The following KCNH5 variants were observed in gnomAD, a reference collection of about 807,000 sequenced individuals.
The protein encoded by KCNH5 is voltage-gated delayed rectifier potassium channel KCNH5.
In KCNH5, 46 loss-of-function variants were observed where a neutral mutation model predicts 96.1. That is an observed-to-expected ratio of 0.48 (90% CI 0.38 to 0.61). The LOEUF is 0.61. Among genes scored for constraint, KCNH5 ranks in the 20% least tolerant of loss-of-function variants. The pLI is 0.00. For synonymous variants in KCNH5, 439 were observed against 449.8 expected (o/e 0.98, Z 0.30); for missense variants, 907 against 1,225.8 (o/e 0.74, Z 3.88).
intron 6 of KCNH5, among the ~76,000 whole-genome samples, chr14:62,952,891 C>T (rs1290380257): frequency 6.6e-6 from 1 of 152,004 alleles, no homozygotes; most frequent in Non-Finnish European, 1.5e-5. Context: ...CTCAAAAGCA[C>T]ATTTTCTAAT....
chr14:62,941,288 G>A (rs1032512766), intron 7 of KCNH5, among the ~76,000 whole-genome samples: 3 of 152,166 alleles, frequency 2.0e-5, no homozygotes, highest in African/African-American at 4.8e-5. Context: ...GAGAGGCTTT[G>A]TGAAAATGTG....
At chr14:62,841,498 G>A (rs1382149902) in intron 8 of KCNH5, among the ~76,000 whole-genome samples, 1 of 151,624 alleles carries the variant, frequency 6.6e-6, no homozygotes, top group Non-Finnish European at 1.5e-5. Flanking sequence ...TTTCCCCAAA[G>A]TCTAACGTAT....
At chr14:62,910,775 C>T (rs750879277) in intron 7 of KCNH5, among the ~76,000 whole-genome samples, 5 of 152,062 alleles carry the variant, frequency 3.3e-5, no homozygotes, top group African/African-American at 9.7e-5. Context: ...AGTTTTGCAC[C>T]GGTGTTCCCT....
At position 63,045,216 on chromosome 14, in the gene KCNH5, C is replaced by T; in HGVS notation, c.-30G>A. On this transcript the variant is annotated 5_prime_UTR_variant, in exon 1 of 11. Coordinates refer to ENST00000322893, the MANE Select transcript of KCNH5 (RefSeq NM_139318.5). ...GGTCTGGAGAGCAGCGGCCAGGATC[C>T]GCGGCGGGGGAGGGGGGGATGCAGG... is the stretch of plus-strand genomic sequence containing the variant. 1.9e-6 allele frequency: 3 copies of T among 1,581,966 alleles called. No homozygotes were observed. Among genetic ancestry groups the T allele is most frequent in the African/African-American group, 1.3e-5 (1 of 74,380 alleles).
chr14:62,741,174 G>A (rs756631401), intron 10 of KCNH5, among the ~76,000 whole-genome samples: 9 of 152,092 alleles, frequency 5.9e-5, no homozygotes, highest in Non-Finnish European at 7.4e-5. Context: ...TAAATTAAGC[G>A]GCTTGCACGT....
chr14:63,013,313 G>A (rs1388077540), intron 2 of KCNH5, among the ~76,000 whole-genome samples: 1 of 151,906 alleles, frequency 6.6e-6, no homozygotes, highest in Non-Finnish European at 1.5e-5. Flanking sequence ...AATGCAAGTT[G>A]GATACAAAAA....
At chr14:62,773,012 T>C (rs950398045) in intron 10 of KCNH5, among the ~76,000 whole-genome samples, 1 of 152,178 alleles carries the variant, frequency 6.6e-6, no homozygotes, top group African/African-American at 2.4e-5. Context: ...CTAAAATCAA[T>C]CTATGAATCA....
chr14:63,043,200 A>G (rs1434768995), intron 1 of KCNH5, among the ~76,000 whole-genome samples: 1 of 152,180 alleles, frequency 6.6e-6, no homozygotes, highest in Admixed American at 6.5e-5. Context: ...ATAGTTTCAT[A>G]GTCTGCATAA....
At chr14:62,850,723 C>G (rs1423148859) in intron 7 of KCNH5, among the ~76,000 whole-genome samples, 1 of 152,132 alleles carries the variant, frequency 6.6e-6, no homozygotes, top group Admixed American at 6.6e-5. Context: ...CTAAACTGAA[C>G]AAACTTCCAA....
Position 62,849,860 on chromosome 14 carries a change from A to G in KCNH5, c.1370-8T>C, listed in dbSNP as rs1413222405. The G allele has an allele frequency of 6.3e-7, 1 of 1,597,744 alleles. No homozygotes were observed. Among genetic ancestry groups the G allele is most frequent in the Non-Finnish European group, 8.6e-7 (1 of 1,166,138 alleles). ...TAGTTGCATAAAGAAGAGCTGAAAG[A>G]GAAGAAATGATAAAAATAAAACAAA... On this transcript the variant is annotated splice_polypyrimidine_tract_variant and splice_region_variant and intron_variant, in intron 7 of 10. Transcript: ENST00000322893.
At chr14:62,786,538 A>G (rs1015764279) in intron 9 of KCNH5, among the ~76,000 whole-genome samples, 2 of 152,208 alleles carry the variant, frequency 1.3e-5, no homozygotes, top group South Asian at 2.1e-4. Flanking sequence ...GTGAGATGAA[A>G]GCAGCTAAAA....
intron 9 of KCNH5, among the ~76,000 whole-genome samples, chr14:62,793,586 T>G (rs745629355): frequency 4.0e-5 from 6 of 151,882 alleles, no homozygotes; most frequent in Admixed American, 2.6e-4. Context: ...TTTTCTTTTT[T>G]TCTTTCTTGT....
chr14:62,745,269 TA>T (rs1885352997), intron 10 of KCNH5, among the ~76,000 whole-genome samples: 1 of 152,178 alleles, frequency 6.6e-6, no homozygotes, highest in Non-Finnish European at 1.5e-5. Flanking sequence ...ATTAGACCCC[TA>T]TGGTCAGGCC....
chr14:62,753,792 G>A (rs1602211), intron 10 of KCNH5, among the ~76,000 whole-genome samples: 86,044 of 151,926 alleles, frequency 0.57, 25,026 homozygotes, highest in East Asian at 0.86. Flanking sequence ...CCTAGACAAG[G>A]GAAGCTGAGG....
intron 3 of KCNH5, among the ~76,000 whole-genome samples, chr14:63,002,830 G>C (rs548163817): frequency 4.6e-5 from 7 of 152,294 alleles, no homozygotes; most frequent in Middle Eastern, 3.4e-3. Context: ...TTTCCAAAAT[G>C]ATGGTAGAAT....
intron 10 of KCNH5, among the ~76,000 whole-genome samples, chr14:62,743,608 C>T (rs369705532): frequency 6.6e-6 from 1 of 151,978 alleles, no homozygotes; most frequent in Non-Finnish European, 1.5e-5. Flanking sequence ...TTTCCTGCCT[C>T]ATTTGTGTAG....
At chr14:62,924,695 T>C (rs1035448482) in intron 7 of KCNH5, among the ~76,000 whole-genome samples, 13 of 151,926 alleles carry the variant, frequency 8.6e-5, no homozygotes, top group African/African-American at 3.1e-4. Context: ...GGACATTATG[T>C]TAAGTGAAAC....
intron 7 of KCNH5, among the ~76,000 whole-genome samples, chr14:62,909,108 G>C (rs1285741002): frequency 2.3e-4 from 30 of 130,240 alleles, no homozygotes; most frequent in Admixed American, 1.2e-3. Flanking sequence ...TGCAGTGGCG[G>C]GATCTCGGCT....
intron 7 of KCNH5, among the ~76,000 whole-genome samples, chr14:62,855,377 G>A (rs1379434795): frequency 2.2e-4 from 34 of 152,190 alleles, no homozygotes; most frequent in Non-Finnish European, 4.4e-5. Context: ...GATACAGCTT[G>A]AGAACATCAG....
Sources: allele counts gnomAD v4.1 joint callset (sites outside exome capture counted in the v4.1 genomes callset), GRCh38; gene constraint gnomAD v4.1.1; transcripts MANE v1.5; gene names NCBI Gene and HGNC (gene_info 2026-07-23, HGNC 2026-07-21).